Variants in MYCBP2 observed in about 807,000 individuals in gnomAD.
MYCBP2 encodes MYC binding protein 2.
MYCBP2 carries 120 observed loss-of-function variants against 525.3 expected under a neutral mutation model. The ratio of observed to expected loss-of-function variants is 0.23; its 90% confidence interval spans 0.20 to 0.27. MYCBP2 has a LOEUF of 0.27. Among genes scored for constraint, MYCBP2 ranks in the 10% least tolerant of loss-of-function variants. The probability of loss-of-function intolerance (pLI) is 1.00; values close to 1 mark genes in which losing one functional copy is unlikely to be tolerated. For synonymous variants in MYCBP2, 1,894 were observed against 1,955.8 expected (o/e 0.97, Z 0.83); for missense variants, 4,149 against 5,657.1 (o/e 0.73, Z 8.55).
intron 27 of MYCBP2, 54 bp from the exon 28 acceptor site, chr13:77,191,867 A>G (rs1450959780): frequency 3.2e-6 from 5 of 1,555,134 alleles, no homozygotes; most frequent in East Asian, 2.3e-5. Context: ...TCTGTCACAT[A>G]TATTTATTTT....
intron 48 of MYCBP2, among the ~76,000 whole-genome samples, chr13:77,145,420 G>T (rs538813740): frequency 6.6e-6 from 1 of 152,182 alleles, no homozygotes; most frequent in Admixed American, 6.5e-5. Context: ...TTTAAGGAAT[G>T]CCCCAGGATT....
At chr13:77,241,603 T>A (rs1209797006) in intron 17 of MYCBP2, among the ~76,000 whole-genome samples, 3 of 152,204 alleles carry the variant, frequency 2.0e-5, no homozygotes, top group African/African-American at 7.2e-5. Flanking sequence ...CATATACTTA[T>A]ATAATGTAAA....
intron 15 of MYCBP2, among the ~76,000 whole-genome samples, chr13:77,250,155 G>A (rs1459173593): frequency 2.0e-5 from 3 of 151,304 alleles, no homozygotes; most frequent in Non-Finnish European, 4.4e-5. Flanking sequence ...CCCGGGAGGC[G>A]GAGCTTGCAG....
chr13:77,254,144 C>A (rs1390388853), intron 14 of MYCBP2, among the ~76,000 whole-genome samples: 1 of 151,630 alleles, frequency 6.6e-6, no homozygotes, highest in Non-Finnish European at 1.5e-5. Context: ...ATGTAAATAA[C>A]AGATTAACAC....
chr13:77,247,168 A>T (rs995233959), intron 15 of MYCBP2, among the ~76,000 whole-genome samples: 2 of 152,218 alleles, frequency 1.3e-5, no homozygotes, highest in Non-Finnish European at 1.5e-5. Context: ...AAGTAAAATT[A>T]TCTATGTTCA....
Position 77,177,859 on chromosome 13 carries a change from G to C in MYCBP2, c.5229C>G (p.Ser1743=). The change falls in exon 35 of 83, where the codon TCC becomes TCG. Residue 1743 remains serine (S), a synonymous_variant. Transcript: ENST00000544440. ...QGRSWNTGNG[S]PDAICFSVDK... is the part of the protein sequence containing the mutation. The stretch of plus-strand genomic sequence containing the variant: ...CTACTGAAAAACAGATTGCATCAGG[G>C]GACCCGTTCCCAGTGTTCCAACTTC... 6.2e-7 allele frequency: 1 copy of C among 1,613,756 alleles called. No individual in the cohort carries two copies. The highest frequency in any genetic ancestry group is 1.3e-5 in the African/African-American group (1 of 75,012).
At position 77,157,998 on chromosome 13, in the gene MYCBP2, G is replaced by A. The variant is rs61964702; in HGVS notation, c.6709C>T (p.Gln2237Ter). The change falls in exon 45 of 83, where the codon CAG (glutamine) becomes TAG (stop). Residue 2237 changes from glutamine (Q) to a stop codon, truncating the protein, a stop_gained. Coordinates refer to ENST00000544440, the MANE Select transcript of MYCBP2 (RefSeq NM_015057.5). LOFTEE classifies it high-confidence loss of function. Reference protein sequence around the residue: ...NLPLQIQSNEQSFLDDFIACV... With the variant: ...NLPLQIQSNE Reference sequence around the variant, plus strand: ...GCAATAAAATCATCCAGAAAAGACTGTTCATTGCTTTGGATTTGGAGTGGT... The same window carrying A: ...GCAATAAAATCATCCAGAAAAGACTATTCATTGCTTTGGATTTGGAGTGGT... 6.2e-7 allele frequency: 1 copy of A among 1,613,638 alleles called. No individual in the cohort carries two copies.
At chr13:77,112,699 C>T (rs1414402090) in intron 55 of MYCBP2, among the ~76,000 whole-genome samples, 1 of 152,110 alleles carries the variant, frequency 6.6e-6, no homozygotes, top group African/African-American at 2.4e-5. Context: ...TTGGCCTTGC[C>T]AAATGCTGGG....
At chr13:77,231,281 T>A (rs1194127961) in intron 18 of MYCBP2, among the ~76,000 whole-genome samples, 1 of 152,158 alleles carries the variant, frequency 6.6e-6, no homozygotes, top group Non-Finnish European at 1.5e-5. Context: ...TAGCTATCAT[T>A]GAATAACTTG....
At chr13:77,059,477 CA>C in intron 77 of MYCBP2, 45 bp downstream of exon 77, 1 of 1,403,084 alleles carries the variant, frequency 7.1e-7, no homozygotes, top group South Asian at 1.2e-5. Flanking sequence ...AAAGGTGTCA[CA>C]GGGGAACATG....
At chr13:77,172,289 C>G (rs2059219797) in intron 37 of MYCBP2, among the ~76,000 whole-genome samples, 1 of 151,634 alleles carries the variant, frequency 6.6e-6, no homozygotes, top group African/African-American at 2.4e-5. Flanking sequence ...ATTAAAGGAA[C>G]AGAATGAAGA....
rs141032332 is a variant in MYCBP2, at chr13:77,083,142, G to C, written c.10926C>G (p.Ala3642=). 2.5e-6 allele frequency: 4 copies of C among 1,613,348 alleles called. No homozygotes were observed. The highest frequency in any genetic ancestry group is 4.5e-5 in the East Asian group (2 of 44,852). The change falls in exon 63 of 83, where the codon GCC becomes GCG. Residue 3642 remains alanine (A), a synonymous_variant. Coordinates refer to ENST00000544440, the MANE Select transcript of MYCBP2 (RefSeq NM_015057.5). ...CEHPLSDIVI[A]GEAAHPLPHT... ...GTGGTAAAGGATGAGCAGCTTCCCC[G>C]GCAATCACTATGTCTGAGAGTGGAT...
rs866429923 is a variant in MYCBP2 at position 77,286,688 on chromosome 13, G to A, written c.594+1473C>T. On this transcript the variant is annotated intron_variant, in intron 3 of 82. Coordinates refer to ENST00000544440, the MANE Select transcript of MYCBP2 (RefSeq NM_015057.5). ...GGAGAATGGCCTGAACCTGGGAGGC[G>A]GAGCTTGCAGTGAGCCGAGATGGCA... Among the ~76,000 whole-genome samples, 119 of 133,942 alleles carry A rather than the reference G, an allele frequency of 8.9e-4. 1 individual carries two copies. The highest frequency in any genetic ancestry group is 4.3e-3 in the Middle Eastern group (1 of 230). The allele number at this position is 133,942 out of a possible 152,430, so 87.9% of individuals were successfully genotyped here.
At chr13:77,234,452 C>T (rs575585478) in intron 17 of MYCBP2, among the ~76,000 whole-genome samples, 13 of 151,954 alleles carry the variant, frequency 8.6e-5, no homozygotes, top group African/African-American at 2.7e-4. Flanking sequence ...TATCAAAGTA[C>T]CCTTCATTAA....
At chr13:77,150,209 A>G (rs2056257108) in intron 47 of MYCBP2, among the ~76,000 whole-genome samples, 1 of 152,232 alleles carries the variant, frequency 6.6e-6, no homozygotes, top group African/African-American at 2.4e-5. Context: ...GAGAGAACCC[A>G]AAATTGAAGG....
rs751875645 is a variant in MYCBP2, at chr13:77,098,119, C to A, written c.9035G>T (p.Gly3012Val). The A allele has an allele frequency of 9.3e-6, 15 of 1,613,446 alleles. No individual in the cohort carries two copies. Among genetic ancestry groups the A allele is most frequent in the Middle Eastern group, 1.6e-4 (1 of 6,074 alleles). ...CTTGGCTGGCTCTAAAGGCTTGGAT[C>A]CATCTCCTTTGAAAAGAAAACTCGA... ...EKSSFLFKGD[G>V]SKPLEPAKQA... is the part of the protein sequence containing the mutation. The change falls in exon 56 of 83, where the codon GGA becomes GTA. Residue 3012 changes from glycine (G) to valine (V), a missense_variant. Gly to Val is a moderately radical substitution (Grantham distance 109). Transcript: ENST00000544440.
intron 73 of MYCBP2, 101 bp downstream of exon 73, chr13:77,064,514 T>G: frequency 7.8e-7 from 1 of 1,283,284 alleles, no homozygotes. Context: ...AAAATAATTA[T>G]GTTGACTTAG....
At chr13:77,122,590 T>C (rs2050928376) in intron 54 of MYCBP2, among the ~76,000 whole-genome samples, 1 of 148,820 alleles carries the variant, frequency 6.7e-6, no homozygotes, top group African/African-American at 2.5e-5. Context: ...TCAGAGAGGC[T>C]GAGGCAGGAG....
intron 71 of MYCBP2, among the ~76,000 whole-genome samples, chr13:77,066,411 C>G (rs924612577): frequency 2.1e-4 from 32 of 152,196 alleles, no homozygotes; most frequent in African/African-American, 6.0e-4. Flanking sequence ...TATAAATTCA[C>G]TGTATCACTA....
Sources: gnomAD v4.1 joint callset for allele counts (sites outside exome capture counted in the v4.1 genomes callset) on GRCh38, gnomAD v4.1.1 for gene constraint, MANE v1.5 for transcripts, NCBI Gene and HGNC (gene_info 2026-07-23, HGNC 2026-07-21) for gene names.